The following APBA1 variants were observed in gnomAD, a reference collection of about 807,000 sequenced individuals.
APBA1 encodes amyloid-beta A4 precursor protein-binding family A member 1.
APBA1 carries 55 observed loss-of-function variants against 86.6 expected under a neutral mutation model. That is an observed-to-expected ratio of 0.64 (90% CI 0.51 to 0.80). The LOEUF is 0.80. Ranked by LOEUF, APBA1 falls within the 30% of genes least tolerant of loss-of-function variation. APBA1 has a pLI of 0.00. For missense variants in APBA1, 1,090 were observed against 1,183.0 expected (o/e 0.92, Z 1.15); for synonymous variants, 511 against 493.9 (o/e 1.03, Z -0.46).
At chr9:69,456,460 G>C in intron 7 of APBA1, 28 bp from the exon 8 acceptor site, 1 of 1,550,968 alleles carries the variant, frequency 6.4e-7, no homozygotes, top group Non-Finnish European at 8.7e-7. Context: ...GGGCGGGTAA[G>C]TCCAGCTCAG....
At chr9:69,439,616 T>C (rs986069393) in intron 11 of APBA1, among the ~76,000 whole-genome samples, 2 of 152,176 alleles carry the variant, frequency 1.3e-5, no homozygotes, top group Non-Finnish European at 2.9e-5. Context: ...ATTCTTGTAG[T>C]GTGGTTTTCA....
intron 1 of APBA1, among the ~76,000 whole-genome samples, chr9:69,607,964 G>A (rs1822510204): frequency 6.6e-6 from 1 of 152,102 alleles, no homozygotes; most frequent in Non-Finnish European, 1.5e-5. Context: ...CATAATAACA[G>A]CAAAATAAAT....
At chr9:69,519,586 G>A (rs1046853354) in intron 1 of APBA1, among the ~76,000 whole-genome samples, 5 of 152,198 alleles carry the variant, frequency 3.3e-5, no homozygotes, top group Admixed American at 2.6e-4. Context: ...TTCACAGAAA[G>A]GGATAGCAAA....
At chr9:69,440,931 C>T (rs936401069) in intron 11 of APBA1, 65 bp downstream of exon 11, 9 of 1,576,188 alleles carry the variant, frequency 5.7e-6, no homozygotes, top group East Asian at 4.5e-5. Flanking sequence ...GCTCCACCCC[C>T]CCAGCCATGC....
chr9:69,582,710 C>T (rs1164886601), intron 1 of APBA1, among the ~76,000 whole-genome samples: 1 of 152,152 alleles, frequency 6.6e-6, no homozygotes, highest in Non-Finnish European at 1.5e-5. Context: ...CCACCCACTC[C>T]TGGTGGCTCC....
chr9:69,649,205 G>A (rs1013361206), intron 1 of APBA1, among the ~76,000 whole-genome samples: 5 of 152,150 alleles, frequency 3.3e-5, no homozygotes, highest in African/African-American at 4.8e-5. Context: ...TAAAATGCAC[G>A]TAAGAGTGTC....
chr9:69,443,939 T>G (rs1834866066), intron 10 of APBA1, among the ~76,000 whole-genome samples: 1 of 152,166 alleles, frequency 6.6e-6, no homozygotes, highest in Non-Finnish European at 1.5e-5. Context: ...ATCTTTTTAG[T>G]TCATTTTCCT....
chr9:69,444,136 C>A (rs943004678), intron 10 of APBA1, among the ~76,000 whole-genome samples: 4 of 152,220 alleles, frequency 2.6e-5, no homozygotes, highest in Non-Finnish European at 5.9e-5. Flanking sequence ...TGAGCCTCCC[C>A]ATGGCTGTCA....
chr9:69,648,614 C>G lies in APBA1; in HGVS notation c.-70+23539G>C, dbSNP rs534343329. Among the ~76,000 whole-genome samples, 10 of 152,284 alleles carry G rather than the reference C, an allele frequency of 6.6e-5. No individual in the cohort carries two copies. In the South Asian group the frequency reaches 2.1e-3, roughly 32 times the overall value. ...CAGACCACCCAGCTATTATAGAGCT[C>G]TATAGTTTAGCCCTCGAAGGTGAGT... is the stretch of plus-strand genomic sequence containing the variant. On this transcript the variant is annotated intron_variant, in intron 1 of 12. Coordinates refer to ENST00000265381, the MANE Select transcript of APBA1 (RefSeq NM_001163.4).
chr9:69,603,926 G>C (rs955743409), intron 1 of APBA1, among the ~76,000 whole-genome samples: 1 of 152,212 alleles, frequency 6.6e-6, no homozygotes, highest in African/African-American at 2.4e-5. Context: ...CTAGAGTCTA[G>C]AGGAGAGATC....
intron 2 of APBA1, among the ~76,000 whole-genome samples, chr9:69,498,912 T>C (rs529826762): frequency 2.7e-4 from 41 of 152,064 alleles, no homozygotes; most frequent in Non-Finnish European, 4.7e-4. Context: ...TGGCAGACGG[T>C]TGAGAACACA....
rs528596896 is a variant in APBA1, at chr9:69,554,535, A to G, written c.-69-37256T>C. Among the ~76,000 whole-genome samples, 174 of 152,312 alleles carry G rather than the reference A, an allele frequency of 1.1e-3. 1 individual carries two copies. Among genetic ancestry groups the G allele is most frequent in the African/African-American group, 4.1e-3 (172 of 41,568 alleles). ...TGCAAACCTCTAATATCTCCATTCC[A>G]AAATGATCAGCACCCAGAGAAACTC... On this transcript the variant is annotated intron_variant, in intron 1 of 12. Coordinates refer to ENST00000265381, the MANE Select transcript of APBA1 (RefSeq NM_001163.4).
At chr9:69,627,714 C>T (rs1460620630) in intron 1 of APBA1, among the ~76,000 whole-genome samples, 2 of 152,154 alleles carry the variant, frequency 1.3e-5, no homozygotes, top group African/African-American at 4.8e-5. Context: ...TCCTCAGGGA[C>T]TCTCTCCCAC....
At chr9:69,529,835 A>G (rs1836396084) in intron 1 of APBA1, among the ~76,000 whole-genome samples, 1 of 152,198 alleles carries the variant, frequency 6.6e-6, no homozygotes, top group African/African-American at 2.4e-5. Flanking sequence ...AAGGAACTCA[A>G]ACAACTCAAC....
At chr9:69,555,688 G>A (rs966316944) in intron 1 of APBA1, among the ~76,000 whole-genome samples, 3 of 152,108 alleles carry the variant, frequency 2.0e-5, no homozygotes, top group Admixed American at 6.5e-5. Flanking sequence ...AAATTAAAAT[G>A]TCTAGAAATA....
chr9:69,509,887 C>T, intron 2 of APBA1, among the ~76,000 whole-genome samples: 1 of 107,556 alleles, frequency 9.3e-6, no homozygotes. Context: ...ATGCTAAAAA[C>T]TCTCAATAAA....
chr9:69,603,734 A>C (rs909611177), intron 1 of APBA1, among the ~76,000 whole-genome samples: 1 of 152,262 alleles, frequency 6.6e-6, no homozygotes, highest in Non-Finnish European at 1.5e-5. Flanking sequence ...GAATAACCTT[A>C]TAATTTATCA....
Position 69,432,568 on chromosome 9 carries a change from T to C in APBA1, c.2410A>G (p.Ile804Val). 2 of 1,593,756 alleles carry C rather than the reference T, an allele frequency of 1.3e-6. No homozygotes were observed. Among genetic ancestry groups the C allele is most frequent in the Non-Finnish European group, 1.7e-6 (2 of 1,170,908 alleles). ...QSVVATPHEK[I>V]VHILSNAVGE... ...ACAGCATTGGAGAGAATGTGGACGATCTTCTCGTGGGGGGTGGCCACGACG... is the reference window on the plus strand; with the variant it reads ...ACAGCATTGGAGAGAATGTGGACGACCTTCTCGTGGGGGGTGGCCACGACG... Residue 804 changes from isoleucine (I) to valine (V), a missense_variant, in exon 12 of 13, where the codon ATC becomes GTC. Coordinates refer to ENST00000265381, the MANE Select transcript of APBA1 (RefSeq NM_001163.4).
intron 2 of APBA1, among the ~76,000 whole-genome samples, chr9:69,494,992 G>C (rs1293683818): frequency 6.6e-6 from 1 of 152,136 alleles, no homozygotes; most frequent in Non-Finnish European, 1.5e-5. Context: ...ACAGAGCATG[G>C]AATTGGAGGT....
Sources: allele counts gnomAD v4.1 joint callset (sites outside exome capture counted in the v4.1 genomes callset), GRCh38; gene constraint gnomAD v4.1.1; transcripts MANE v1.5; gene names NCBI Gene and HGNC (gene_info 2026-07-23, HGNC 2026-07-21).